Variants in TBCA observed in about 807,000 individuals in gnomAD.
The protein encoded by TBCA is tubulin-specific chaperone A.
TBCA carries 6 observed loss-of-function variants against 15.8 expected under a neutral mutation model. The ratio of observed to expected loss-of-function variants is 0.38; its 90% CI spans 0.21 to 0.75. The LOEUF is 0.75. Ranked by LOEUF, TBCA falls within the 30% of genes least tolerant of loss-of-function variation. TBCA has a pLI of 0.46. For synonymous variants in TBCA, 32 were observed against 42.3 expected (o/e 0.76, Z 0.94); for missense variants, 90 against 131.2 (o/e 0.69, Z 1.53).
chr5:77,774,489 T>G (rs1434959771), intron 1 of TBCA, among the ~76,000 whole-genome samples: 1 of 152,144 alleles, frequency 6.6e-6, no homozygotes, highest in Non-Finnish European at 1.5e-5. Context: ...ACCCCTTTAT[T>G]TTAACCCAGA....
intron 1 of TBCA, among the ~76,000 whole-genome samples, chr5:77,728,202 A>T (rs1001175361): frequency 1.3e-5 from 2 of 152,174 alleles, no homozygotes; most frequent in Non-Finnish European, 2.9e-5. Context: ...TATCTGAAAT[A>T]AAGGTAGCAG....
At position 77,776,199 on chromosome 5, in the gene TBCA, C is replaced by T. The variant is rs763424366; in HGVS notation, c.53+6G>A. 21 of 1,563,224 alleles carry T rather than the reference C, an allele frequency of 1.3e-5. No homozygotes were observed. Among genetic ancestry groups the T allele is most frequent in the Non-Finnish European group, 1.7e-5 (20 of 1,154,834 alleles). ...GAGGTGCAGGGCGCCGCTCCCGGCT[C>T]CTTACCGCTTCACCACGCCGGTCTT... On this transcript the variant is annotated splice_donor_region_variant and intron_variant, in intron 1 of 3. Coordinates refer to ENST00000380377, the MANE Select transcript of TBCA (RefSeq NM_004607.3).
At chr5:77,772,825 G>C (rs935435412) in intron 1 of TBCA, among the ~76,000 whole-genome samples, 2 of 152,150 alleles carry the variant, frequency 1.3e-5, no homozygotes, top group Non-Finnish European at 2.9e-5. Context: ...TTTCTAAGCA[G>C]TTTACATAAG....
intron 2 of TBCA, among the ~76,000 whole-genome samples, chr5:77,701,816 A>C (rs1746025984): frequency 6.7e-6 from 1 of 150,242 alleles, no homozygotes; most frequent in Admixed American, 6.7e-5. Context: ...AAGTGAGGTA[A>C]CTCAGTATAT....
chr5:77,734,254 T>A (rs1241695730), intron 1 of TBCA, among the ~76,000 whole-genome samples: 1 of 152,250 alleles, frequency 6.6e-6, no homozygotes, highest in Non-Finnish European at 1.5e-5. Flanking sequence ...TTTCAACTTT[T>A]AAGTCTTATT....
intron 1 of TBCA, among the ~76,000 whole-genome samples, chr5:77,711,636 A>T (rs1432809405): frequency 6.6e-6 from 1 of 152,214 alleles, no homozygotes; most frequent in African/African-American, 2.4e-5. Context: ...AAAAAAAGTG[A>T]TTCACAAAAA....
At position 77,708,347 on chromosome 5, in the gene TBCA, C is replaced by T. The variant is rs373512910; in HGVS notation, c.54G>A (p.Arg18=). ...QIKIKTGVVK[R]LVKEKVMYEK... ...CATACATCACTTTTTCTTTGACCAA[C>T]CTATAAAAAAGCCAAAAATGTTTTA... The change falls in exon 2 of 4, where the codon CGG becomes CGA. Residue 18 remains arginine, a splice_region_variant and synonymous_variant. Transcript: ENST00000380377. 1 of 1,602,490 alleles carries T rather than the reference C, an allele frequency of 6.2e-7. No individual in the cohort carries two copies. The highest frequency in any genetic ancestry group is 8.5e-7 in the Non-Finnish European group (1 of 1,173,758).
chr5:77,699,108 T>A (rs1745945983), intron 2 of TBCA, among the ~76,000 whole-genome samples: 1 of 142,858 alleles, frequency 7.0e-6, no homozygotes, highest in Non-Finnish European at 1.5e-5. Flanking sequence ...ATGCTGAAAA[T>A]TATAAAATGC....
At chr5:77,708,208 A>T in intron 2 of TBCA, 34 bp downstream of exon 2, 2 of 1,428,108 alleles carry the variant, frequency 1.4e-6, no homozygotes, top group Non-Finnish European at 2.0e-6. Flanking sequence ...CATTCTGTAA[A>T]TGTTAGCTAT....
chr5:77,697,732 GA>G (rs1345737226), intron 2 of TBCA, among the ~76,000 whole-genome samples: 1 of 151,890 alleles, frequency 6.6e-6, no homozygotes, highest in Admixed American at 6.6e-5. Flanking sequence ...CCTAGAAAAA[GA>G]AGAGCAAAAT....
chr5:77,765,881 C>CAAAAAAAA (rs70997944), intron 1 of TBCA, among the ~76,000 whole-genome samples: 1 of 130,412 alleles, frequency 7.7e-6, no homozygotes. Context: ...AAACTAGGGC[C>CAAAAAAAA]AAAAAAAAAA....
chr5:77,693,799 C>CAAAAAAA (rs70991303), intron 2 of TBCA, among the ~76,000 whole-genome samples: 6 of 77,922 alleles, frequency 7.7e-5, no homozygotes, highest in Admixed American at 1.7e-4. Flanking sequence ...AACTCCATCT[C>CAAAAAAA]AAAAAAAAAA....
At position 77,693,253 on chromosome 5, in the gene TBCA, A is replaced by C; in HGVS notation, c.246+13T>G. ...AAAAAAAATTTAAACATGACACAGA[A>C]GTCTTTGCTTACTAGTATCCGTTGA... is the stretch of plus-strand genomic sequence containing the variant. On this transcript the variant is annotated intron_variant, in intron 3 of 3. Coordinates refer to ENST00000380377, the MANE Select transcript of TBCA (RefSeq NM_004607.3). The C allele has an allele frequency of 1.2e-6, 2 of 1,613,432 alleles. No homozygotes were observed.
intron 1 of TBCA, among the ~76,000 whole-genome samples, chr5:77,722,869 G>A (rs975625521): frequency 6.6e-6 from 1 of 151,638 alleles, no homozygotes; most frequent in Admixed American, 6.6e-5. Flanking sequence ...TAAAATTGGT[G>A]TTTACATCTT....
chr5:77,725,850 G>A (rs928155403), intron 1 of TBCA, among the ~76,000 whole-genome samples: 3 of 151,968 alleles, frequency 2.0e-5, no homozygotes, highest in South Asian at 2.1e-4. Flanking sequence ...TCGTAATGCC[G>A]TCTTTGGAAT....
intron 1 of TBCA, among the ~76,000 whole-genome samples, chr5:77,730,775 G>A (rs1338974210): frequency 6.6e-6 from 1 of 151,912 alleles, no homozygotes; most frequent in Non-Finnish European, 1.5e-5. Flanking sequence ...GCCAAGCAGT[G>A]GGCAACTAAC....
At chr5:77,727,372 T>C (rs1746652690) in intron 1 of TBCA, among the ~76,000 whole-genome samples, 1 of 152,078 alleles carries the variant, frequency 6.6e-6, no homozygotes, top group South Asian at 2.1e-4. Flanking sequence ...TGAAACAACA[T>C]TGTAGAGTGG....
intron 2 of TBCA, among the ~76,000 whole-genome samples, chr5:77,695,333 A>G (rs73137603): frequency 0.12 from 17,888 of 152,172 alleles, 1,217 homozygotes; most frequent in South Asian, 0.18. Context: ...AATTCATTCA[A>G]TAAGTTTACT....
In TBCA at chr5:77,693,147, G is replaced by A. The variant is rs764920788; in HGVS notation, c.246+119C>T. 25 of 1,533,610 alleles carry A rather than the reference G, an allele frequency of 1.6e-5. No individual in the cohort carries two copies. In the African/African-American group the frequency reaches 2.6e-4, roughly 16 times the overall value. ...TTATTTTAAAATATAGCGGTATAAA[G>A]GGCAAGTGAATAAGAAATACTGCCA... is the stretch of plus-strand genomic sequence containing the variant. On this transcript the variant is annotated intron_variant, in intron 3 of 3. Coordinates refer to ENST00000380377, the MANE Select transcript of TBCA (RefSeq NM_004607.3).
Sources: allele counts gnomAD v4.1 joint callset (sites outside exome capture counted in the v4.1 genomes callset), GRCh38; gene constraint gnomAD v4.1.1; transcripts MANE v1.5; gene names NCBI Gene and HGNC (gene_info 2026-07-23, HGNC 2026-07-21).